CUBN: variants seen among roughly 807,000 people sequenced by gnomAD.
CUBN encodes 460 kDa receptor.
A neutral mutation model predicts 405.3 loss-of-function variants in CUBN; 282 were observed. That is an observed-to-expected ratio of 0.70 (90% confidence interval 0.63 to 0.77). The LOEUF is 0.77. Among genes scored for constraint, CUBN ranks in the 30% least tolerant of loss-of-function variants. CUBN has a pLI of 0.00. For missense variants in CUBN, 4,514 were observed against 4,475.2 expected (o/e 1.01, Z -0.25); for synonymous variants, 1,684 against 1,617.0 (o/e 1.04, Z -0.99).
intron 40 of CUBN, among the ~76,000 whole-genome samples, chr10:16,929,195 G>C (rs1842298496): frequency 6.6e-6 from 1 of 152,050 alleles, no homozygotes. Context: ...TTGTGTGGAG[G>C]GTGAGAGAAG....
intron 59 of CUBN, among the ~76,000 whole-genome samples, chr10:16,855,938 C>T (rs1428690536): frequency 6.6e-6 from 1 of 152,048 alleles, no homozygotes; most frequent in Non-Finnish European, 1.5e-5. Context: ...CTGCTCCATG[C>T]AAAATGAAAT....
chr10:16,973,607 C>T (rs1054976910), intron 31 of CUBN, among the ~76,000 whole-genome samples: 4 of 104,316 alleles, frequency 3.8e-5, no homozygotes, highest in Non-Finnish European at 7.3e-5. Context: ...GAGCAAAGAA[C>T]GTGATGGGTG....
At chr10:16,851,133 G>T in intron 60 of CUBN, 102 bp downstream of exon 60, 1 of 924,576 alleles carries the variant, frequency 1.1e-6, no homozygotes, top group Non-Finnish European at 1.8e-6. Context: ...AGTAGCACCT[G>T]TACTCAAAAT....
At chr10:17,070,126 A>G (rs915909185) in intron 19 of CUBN, among the ~76,000 whole-genome samples, 36 of 152,092 alleles carry the variant, frequency 2.4e-4, no homozygotes, top group Non-Finnish European at 4.4e-5. Context: ...TGAAAAAATG[A>G]TTTTTCTCCA....
intron 13 of CUBN, among the ~76,000 whole-genome samples, chr10:17,102,253 C>CTATTTATT (rs58806014): frequency 1.2e-4 from 17 of 144,250 alleles, no homozygotes; most frequent in African/African-American, 3.8e-4. Context: ...GAGGATCCTC[C>CTATTTATT]TATTTATTTA....
At chr10:17,038,960 C>T (rs904882714) in intron 27 of CUBN, among the ~76,000 whole-genome samples, 2 of 152,218 alleles carry the variant, frequency 1.3e-5, no homozygotes, top group African/African-American at 4.8e-5. Context: ...AGCTACTCTG[C>T]AGTTGCTGGA....
intron 14 of CUBN, among the ~76,000 whole-genome samples, 177 bp from the exon 15 acceptor site, chr10:17,088,522 G>A (rs566026891): frequency 2.0e-5 from 3 of 152,268 alleles, no homozygotes; most frequent in African/African-American, 7.2e-5. Flanking sequence ...TACAAGTCTA[G>A]AAGTATCAAT....
intron 50 of CUBN, among the ~76,000 whole-genome samples, chr10:16,905,141 C>A (rs1841520387): frequency 6.6e-6 from 1 of 152,180 alleles, no homozygotes; most frequent in Non-Finnish European, 1.5e-5. Context: ...TTTGGGATTA[C>A]ACAGAACTCA....
Position 16,900,728 on chromosome 10 carries a change from G to T in CUBN, c.8307C>A (p.Pro2769=). The T allele has an allele frequency of 6.2e-7, 1 of 1,614,106 alleles. No homozygotes were observed. Among genetic ancestry groups the T allele is most frequent in the African/African-American group, 1.3e-5 (1 of 75,022 alleles). The change falls in exon 53 of 67, where the codon CCC becomes CCA. Residue 2769 remains proline, a synonymous_variant. Transcript: ENST00000377833. ...GATTGGAACCTGACTGTATTGTCCT[G>T]GGGTTTGAATTTCCACAGTATTGTC... ...IIGQYCGNSN[P]RTIQSGSNQL... is the part of the protein sequence containing the mutation.
chr10:16,943,055 A>G (rs1292774756), intron 36 of CUBN, among the ~76,000 whole-genome samples: 1 of 152,222 alleles, frequency 6.6e-6, no homozygotes, highest in African/African-American at 2.4e-5. Context: ...ATAGTTAGAG[A>G]TAACCAGCCT....
At position 16,954,373 on chromosome 10, in the gene CUBN, T is replaced by A; in HGVS notation, c.4855+16A>T. Reference sequence around the variant, plus strand: ...AAGATTTCTCTTGTGCCTGGGAAGATCCACAGGGTACTTGCCTTGCCTGAA... The same window carrying A: ...AAGATTTCTCTTGTGCCTGGGAAGAACCACAGGGTACTTGCCTTGCCTGAA... On this transcript the variant is annotated intron_variant, in intron 32 of 66. Transcript: ENST00000377833. 1 of 1,614,050 alleles carries A rather than the reference T, an allele frequency of 6.2e-7. No homozygotes were observed. Among genetic ancestry groups the A allele is most frequent in the Non-Finnish European group, 8.5e-7 (1 of 1,179,936 alleles).
intron 60 of CUBN, among the ~76,000 whole-genome samples, chr10:16,849,469 C>T (rs12251746): frequency 0.085 from 12,861 of 152,112 alleles, 627 homozygotes; most frequent in East Asian, 0.21. Flanking sequence ...ACCGGAGCCC[C>T]GTTCCATTCT....
intron 17 of CUBN, among the ~76,000 whole-genome samples, chr10:17,073,177 T>C (rs1401040827): frequency 6.6e-6 from 1 of 152,144 alleles, no homozygotes; most frequent in East Asian, 1.9e-4. Flanking sequence ...CCTATTAATA[T>C]AGATACACAA....
At chr10:16,946,061 T>C (rs145976105) in intron 36 of CUBN, among the ~76,000 whole-genome samples, 2 of 152,092 alleles carry the variant, frequency 1.3e-5, no homozygotes, top group African/African-American at 2.4e-5. Flanking sequence ...CTCAAAACAA[T>C]CCTCTTCTCT....
chr10:16,926,175 A>T (rs1398119610), intron 41 of CUBN, among the ~76,000 whole-genome samples: 1 of 152,186 alleles, frequency 6.6e-6, no homozygotes, highest in Admixed American at 6.5e-5. Flanking sequence ...TTGGAGTAAC[A>T]TCTTAGCAGA....
intron 28 of CUBN, 108 bp downstream of exon 28, chr10:17,019,725 G>A (rs1834440491): frequency 7.7e-7 from 1 of 1,294,230 alleles, no homozygotes; most frequent in Non-Finnish European, 1.1e-6. Context: ...TTACTACCTG[G>A]GTTCCATTAT....
intron 15 of CUBN, among the ~76,000 whole-genome samples, chr10:17,086,318 T>A (rs916698097): frequency 1.3e-5 from 2 of 152,178 alleles, no homozygotes; most frequent in African/African-American, 4.8e-5. Context: ...TTTGTCATGA[T>A]GTTACTAATC....
rs201093611 is a variant in CUBN, at chr10:16,890,425, C to T, written c.8701G>A (p.Val2901Ile). 218 of 1,614,012 alleles carry T rather than the reference C, an allele frequency of 1.4e-4. No homozygotes were observed. Among genetic ancestry groups the T allele is most frequent in the South Asian group, 1.1e-3 (99 of 91,060 alleles). Residue 2901 changes from valine to isoleucine, a missense_variant, in exon 55 of 67, where the codon GTC becomes ATC. By Grantham distance (29) the Val-to-Ile change is conservative (BLOSUM62 3). This residue lies in a region of CUBN where 1,186 missense variants were observed against 1,186.9 expected (regional missense o/e 1.00). Coordinates refer to ENST00000377833, the MANE Select transcript of CUBN (RefSeq NM_001081.4). ...VITPSNTFTA[V>I]FQSQEAPAQG... ...GCTGGTGCCTCCTGAGACTGGAAGA[C>T]GGCAGTGAATGTGTTACTTGGTGTG...
In CUBN at chr10:16,948,731, G is replaced by A. The variant is rs1295953309; in HGVS notation, c.5081-125C>T. The A allele has an allele frequency of 6.0e-6, 7 of 1,169,264 alleles. No individual in the cohort carries two copies. In the South Asian group the frequency reaches 6.6e-5, roughly 11 times the overall value. The allele number at this position is 1,169,264 out of a possible 1,614,324, so 72.4% of individuals were successfully genotyped here. A position where few individuals can be genotyped will look rare whatever the true frequency, so the allele number is the denominator to read the frequency against. On this transcript the variant is annotated intron_variant, in intron 34 of 66. Transcript: ENST00000377833. ...CAAAGTGAAGAAATTGCCACTAGGA[G>A]AACCACTTCATTCAGGGTCAATGTT...
Sources: gnomAD v4.1 joint callset for allele counts (sites outside exome capture counted in the v4.1 genomes callset) on GRCh38, gnomAD v4.1.1 for gene constraint, gnomAD v4.1.1 regional missense constraint, MANE v1.5 for transcripts, NCBI Gene and HGNC (gene_info 2026-07-23, HGNC 2026-07-21) for gene names.